The following GPM6A variants were observed in gnomAD, a reference collection of about 807,000 sequenced individuals.
The protein encoded by GPM6A is glycoprotein M6A.
Under a neutral mutation model 32.1 loss-of-function variants are expected in GPM6A, and 7 were observed. The observed-to-expected ratio is 0.22, with a 90% CI of 0.12 to 0.41. The LOEUF is 0.41. GPM6A is among the 10% of genes least tolerant of loss of function. The pLI, the probability that GPM6A is intolerant of heterozygous loss-of-function variation, is 1.00. For synonymous variants in GPM6A, 130 were observed against 123.4 expected, an observed-to-expected ratio of 1.05 and a Z score of -0.35; for missense variants, 235 against 347.2, an observed-to-expected ratio of 0.68 and a Z score of 2.57.
intron 2 of GPM6A, among the ~76,000 whole-genome samples, chr4:175,697,212 A>G (rs1744630281): frequency 6.6e-6 from 1 of 152,072 alleles, no homozygotes; most frequent in Non-Finnish European, 1.5e-5. Flanking sequence ...CACTTAGCAA[A>G]ATTAGTGGTT....
Position 175,656,784 on chromosome 4 carries a change from A to G in GPM6A, c.388-4797T>C, listed in dbSNP as rs546732582. 9.8e-5 allele frequency among the ~76,000 whole-genome samples: 15 copies of G among 152,304 alleles called. No homozygotes were observed. The South Asian group carries it at 1.0e-3, about 11-fold the overall frequency. ...GTGGCAACTTCAGCAGATGTGCACC[A>G]GTAGAGGTAAAAATAACACCTTGGA... On this transcript the variant is annotated intron_variant, in intron 3 of 6. Coordinates refer to ENST00000393658, the MANE Select transcript of GPM6A (RefSeq NM_201591.3).
chr4:175,646,238 A>G (rs1741457417), intron 4 of GPM6A, among the ~76,000 whole-genome samples: 1 of 152,230 alleles, frequency 6.6e-6, no homozygotes, highest in African/African-American at 2.4e-5. Flanking sequence ...AATATAACCA[A>G]TATTTTACCA....
At chr4:175,737,914 A>AT (rs1032119343) in intron 1 of GPM6A, among the ~76,000 whole-genome samples, 2 of 151,432 alleles carry the variant, frequency 1.3e-5, no homozygotes, top group African/African-American at 4.9e-5. Flanking sequence ...AGATGAGGGC[A>AT]TCTAAACATC....
chr4:175,969,927 A>G (rs1288500064), intron 1 of GPM6A, among the ~76,000 whole-genome samples: 1 of 152,214 alleles, frequency 6.6e-6, no homozygotes, highest in Non-Finnish European at 1.5e-5. Context: ...CAAAAGGCAT[A>G]CAATCATCTT....
chr4:175,872,788 C>T (rs1316320322), intron 1 of GPM6A: 2 of 152,142 alleles, frequency 1.3e-5, no homozygotes, highest in Non-Finnish European at 2.9e-5. Context: ...AACATGTAGA[C>T]AGATGGTATA....
At chr4:175,927,935 T>C (rs551836996) in intron 1 of GPM6A, among the ~76,000 whole-genome samples, 67 of 78,692 alleles carry the variant, frequency 8.5e-4, no homozygotes, top group African/African-American at 2.7e-3. Flanking sequence ...TAATGAACCT[T>C]CTTTCTTTCT....
At chr4:175,914,354 C>T (rs558837651) in intron 1 of GPM6A, among the ~76,000 whole-genome samples, 1 of 152,360 alleles carries the variant, frequency 6.6e-6, no homozygotes, top group South Asian at 2.1e-4. Context: ...CAGAGTCTCA[C>T]TCTATAGCCC....
At chr4:175,963,988 C>T (rs1740252418) in intron 1 of GPM6A, among the ~76,000 whole-genome samples, 1 of 150,692 alleles carries the variant, frequency 6.6e-6, no homozygotes, top group South Asian at 2.1e-4. Flanking sequence ...TCAATGGCAA[C>T]CACTCAGAAA....
chr4:175,901,188 C>CA (rs980461722), intron 1 of GPM6A, among the ~76,000 whole-genome samples: 1 of 151,202 alleles, frequency 6.6e-6, no homozygotes, highest in East Asian at 1.9e-4. Flanking sequence ...TTAACAGGTA[C>CA]AAAAAAAATT....
chr4:175,875,121 G>A (rs1737040919), intron 1 of GPM6A, among the ~76,000 whole-genome samples: 1 of 152,148 alleles, frequency 6.6e-6, no homozygotes, highest in Non-Finnish European at 1.5e-5. Flanking sequence ...CTGGGACTTT[G>A]AACCTTGATG....
At chr4:175,945,759 T>C (rs951109608) in intron 1 of GPM6A, among the ~76,000 whole-genome samples, 1 of 151,924 alleles carries the variant, frequency 6.6e-6, no homozygotes, top group Non-Finnish European at 1.5e-5. Context: ...AACTCAGTAA[T>C]ACGGGTGCAT....
intron 1 of GPM6A, among the ~76,000 whole-genome samples, chr4:175,712,560 T>G (rs1422775810): frequency 6.6e-6 from 1 of 152,226 alleles, no homozygotes; most frequent in Admixed American, 6.5e-5. Context: ...CTTTAAGACC[T>G]TTTTGTGTCT....
At chr4:175,819,212 A>G (rs1404199671) in intron 1 of GPM6A, among the ~76,000 whole-genome samples, 1 of 152,062 alleles carries the variant, frequency 6.6e-6, no homozygotes, top group Non-Finnish European at 1.5e-5. Flanking sequence ...ACTACTACTA[A>G]TTGAGAAAGA....
chr4:175,844,009 C>A (rs535198396), intron 1 of GPM6A, among the ~76,000 whole-genome samples: 4 of 152,126 alleles, frequency 2.6e-5, no homozygotes, highest in Non-Finnish European at 5.9e-5. Context: ...ATACATAAGT[C>A]CTTAGCTACA....
At chr4:175,711,541 A>C (rs1295452028) in intron 1 of GPM6A, among the ~76,000 whole-genome samples, 3 of 146,860 alleles carry the variant, frequency 2.0e-5, no homozygotes, top group Non-Finnish European at 4.5e-5. Flanking sequence ...GTATATATTT[A>C]TATATTTATT....
At chr4:175,787,234 A>G (rs1733838359) in intron 1 of GPM6A, 1 of 717,796 alleles carries the variant, frequency 1.4e-6, no homozygotes, top group Non-Finnish European at 2.4e-6. Context: ...TTAAAGCTTT[A>G]ATAATGTATT....
At chr4:175,899,891 C>T (rs1737902101) in intron 1 of GPM6A, among the ~76,000 whole-genome samples, 1 of 151,440 alleles carries the variant, frequency 6.6e-6, no homozygotes, top group Non-Finnish European at 1.5e-5. Flanking sequence ...AGTTAAAAAG[C>T]TTCTGCACAG....
chr4:175,758,768 G>A (rs1410517901), intron 1 of GPM6A, among the ~76,000 whole-genome samples: 2 of 151,876 alleles, frequency 1.3e-5, no homozygotes, highest in African/African-American at 4.8e-5. Flanking sequence ...CTCTACTGAG[G>A]CACAGCAGGG....
At chr4:175,715,321 T>C (rs1442783182) in intron 1 of GPM6A, among the ~76,000 whole-genome samples, 1 of 152,210 alleles carries the variant, frequency 6.6e-6, no homozygotes, top group Non-Finnish European at 1.5e-5. Context: ...ATGGGTTTAT[T>C]GGTCTCAGCT....
Sources: gnomAD v4.1 joint callset for allele counts (sites outside exome capture counted in the v4.1 genomes callset) on GRCh38, gnomAD v4.1.1 for gene constraint, MANE v1.5 for transcripts, NCBI Gene and HGNC (gene_info 2026-07-23, HGNC 2026-07-21) for gene names.